Variants in NPY1R observed in about 807,000 individuals in gnomAD.
NPY1R encodes neuropeptide Y receptor type 1.
A neutral mutation model predicts 24.1 loss-of-function variants in NPY1R; 10 were observed. The observed-to-expected ratio is 0.42, with a 90% CI of 0.26 to 0.71. The LOEUF (loss-of-function observed/expected upper bound fraction) is 0.71. NPY1R is among the 30% of genes least tolerant of loss of function. The pLI, the probability that NPY1R is intolerant of heterozygous loss-of-function variation, is 0.28. For synonymous variants in NPY1R, 168 were observed against 165.9 expected (o/e 1.01, Z -0.10); for missense variants, 350 against 458.0 (o/e 0.76, Z 2.15).
At chr4:163,340,218 A>G (rs1198889105) in intron 1 of NPY1R, among the ~76,000 whole-genome samples, 2 of 152,030 alleles carry the variant, frequency 1.3e-5, no homozygotes, top group African/African-American at 4.8e-5. Flanking sequence ...GAGGAGTTTT[A>G]AACTACAAAA....
At chr4:163,328,338 G>T (rs982205253) in intron 1 of NPY1R, among the ~76,000 whole-genome samples, 2 of 152,128 alleles carry the variant, frequency 1.3e-5, no homozygotes, top group Non-Finnish European at 2.9e-5. Context: ...ATCAGCGATT[G>T]TCAGAGTTTG....
At chr4:163,327,684 G>C (rs1302971639) in intron 1 of NPY1R, among the ~76,000 whole-genome samples, 1 of 152,152 alleles carries the variant, frequency 6.6e-6, no homozygotes, top group Non-Finnish European at 1.5e-5. Context: ...GACTATATGT[G>C]TGCCCAATGC....
chr4:163,342,848 TAATAGTTCTCAGTATTA>T (rs1735025960), intron 1 of NPY1R, among the ~76,000 whole-genome samples: 1 of 152,186 alleles, frequency 6.6e-6, no homozygotes, highest in Non-Finnish European at 1.5e-5. Context: ...GTCTGTTACA[TAATAGTTCTCAGTATTA>T]AAGGGTACAA....
rs1734556648 is a variant in NPY1R at position 163,324,382 on chromosome 4, T to C, written c.*921A>G. Reference sequence around the variant, plus strand: ...ACTGCTGTATGGAAAACGCATTTTGTGTTTCTACAAATTGTAAGCGGAAAT... The same window carrying C: ...ACTGCTGTATGGAAAACGCATTTTGCGTTTCTACAAATTGTAAGCGGAAAT... On this transcript the variant is annotated 3_prime_UTR_variant, in exon 3 of 3. Transcript: ENST00000296533. 1 of 152,576 alleles carries C rather than the reference T, an allele frequency of 6.6e-6. No homozygotes were observed. Among genetic ancestry groups the C allele is most frequent in the Admixed American group, 6.5e-5 (1 of 15,280 alleles). 9.5% of individuals were successfully genotyped at this position (152,576 alleles called of 1,614,324 possible).
upstream of NPY1R, among the ~76,000 whole-genome samples, chr4:163,336,330 C>T (rs952984506): frequency 6.6e-6 from 1 of 152,082 alleles, no homozygotes; most frequent in African/African-American, 2.4e-5. Flanking sequence ...TATTACAAAA[C>T]CATAACATTA....
rs1029440468 is a variant in NPY1R at position 163,324,351 on chromosome 4, A to G, written c.*952T>C. On this transcript the variant is annotated 3_prime_UTR_variant, in exon 3 of 3. Transcript: ENST00000296533. ...TTGAAAGTTAAAAATCAGTCACTATATAGGCACTGCTGTATGGAAAACGCA... is the reference window on the plus strand; with the variant it reads ...TTGAAAGTTAAAAATCAGTCACTATGTAGGCACTGCTGTATGGAAAACGCA... 1.3e-5 allele frequency: 2 copies of G among 152,650 alleles called. No individual in the cohort carries two copies. The highest frequency in any genetic ancestry group is 4.8e-5 in the African/African-American group (2 of 41,456). The allele number at this position is 152,650 out of a possible 1,614,324, so 9.5% of individuals were successfully genotyped here.
At position 163,325,729 on chromosome 4, in the gene NPY1R, G is replaced by T; in HGVS notation, c.729C>A (p.Asn243Lys). 6.3e-7 allele frequency: 1 copy of T among 1,599,686 alleles called. No homozygotes were observed. ...TATTGTCTCTCATCTTGTCCATCAT[G>T]TTGTTTCTCCTTTTTAGGCGTATAT... The part of the protein sequence containing the change: ...KIYIRLKRRN[N>K]MMDKMRDNKY... Residue 243 changes from asparagine (N) to lysine (K), a missense_variant, in exon 3 of 3, where the codon AAC becomes AAA. By Grantham distance (94) the Asn-to-Lys change is moderately conservative. Transcript: ENST00000296533.
chr4:163,333,176 A>T (rs1437154288), upstream of NPY1R, among the ~76,000 whole-genome samples: 4 of 152,108 alleles, frequency 2.6e-5, no homozygotes, highest in South Asian at 4.2e-4. Context: ...CACTGAGAAA[A>T]TGCATTAAGT....
At position 163,326,203 on chromosome 4, in the gene NPY1R, A is replaced by G. The variant is rs1452312876; in HGVS notation, c.352T>C (p.Phe118Leu). The change falls in exon 2 of 3, where the codon TTT (phenylalanine) becomes CTT (leucine). Residue 118 changes from phenylalanine (F) to leucine (L), a missense_variant. Physicochemically the swap from Phe to Leu is conservative, Grantham distance 22. Transcript: ENST00000296533. ...FGEAMCKLNPFVQCVSITVSI... is the reference protein window; with the variant it reads ...FGEAMCKLNPLVQCVSITVSI... ...ACAGTGATTGAAACACATTGCACAA[A>G]AGGATTCAACTTACACATCGCCTCA... The G allele has an allele frequency of 6.2e-7, 1 of 1,614,146 alleles. No homozygotes were observed. The highest frequency in any genetic ancestry group is 1.1e-5 in the South Asian group (1 of 91,080).
intron 1 of NPY1R, chr4:163,331,062 C>T (rs1355882445): frequency 6.6e-6 from 1 of 152,252 alleles, no homozygotes; most frequent in African/African-American, 2.4e-5. Context: ...GAAGAGCACT[C>T]GGTCTAGTCC....
intron 1 of NPY1R, among the ~76,000 whole-genome samples, chr4:163,340,241 A>G (rs1011893832): frequency 2.6e-5 from 4 of 151,974 alleles, no homozygotes; most frequent in African/African-American, 4.8e-5. Flanking sequence ...AAATAATTGT[A>G]TGGCCTATAT....
At position 163,325,116 on chromosome 4, in the gene NPY1R, C is replaced by T; in HGVS notation, c.*187G>A. ...ACTATTTCCAGAAGACCCCAAAGCC[C>T]ACACCTTTTGTTCCAAATGTAATTA... On this transcript the variant is annotated 3_prime_UTR_variant, in exon 3 of 3. Coordinates refer to ENST00000296533, the MANE Select transcript of NPY1R (RefSeq NM_000909.6). 1.7e-6 allele frequency: 1 copy of T among 578,810 alleles called. No homozygotes were observed. The highest frequency in any genetic ancestry group is 2.9e-5 in the East Asian group (1 of 34,670). 35.9% of individuals were successfully genotyped at this position (578,810 alleles called of 1,614,324 possible). A position where few individuals can be genotyped will look rare whatever the true frequency, so the allele number is the denominator to read the frequency against.
Position 163,343,481 on chromosome 4 carries a change from A to G in NPY1R, c.-152+824T>C, listed in dbSNP as rs546451838. Among the ~76,000 whole-genome samples the G allele has an allele frequency of 4.6e-5, 7 of 151,368 alleles. No homozygotes were observed. In the East Asian group the frequency reaches 1.4e-3, roughly 30 times the overall value. The stretch of plus-strand genomic sequence containing the variant: ...TCTTTTTTCTTTCTTTCTTTCTATC[A>G]CCACACCACCCCCCACCGTCCCCCA... On this transcript the variant is annotated intron_variant, in intron 1 of 1. Coordinates refer to the NPY1R transcript ENST00000511901.
At chr4:163,332,382 G>C (rs1734754188) in intron 1 of NPY1R, 100 bp downstream of exon 1, 1 of 152,284 alleles carries the variant, frequency 6.6e-6, no homozygotes, top group South Asian at 2.1e-4. Flanking sequence ...CCCAGAGCCA[G>C]TTTCGGACAC....
At chr4:163,334,877 A>G (rs1295085765), upstream of NPY1R, among the ~76,000 whole-genome samples, 4 of 151,724 alleles carry the variant, frequency 2.6e-5, no homozygotes, top group Admixed American at 6.6e-5. Flanking sequence ...AAAAAAAAAA[A>G]AAAAAGAAAT....
In NPY1R at chr4:163,329,596, G is replaced by T. The variant is rs544715286; in HGVS notation, c.-152+2886C>A. Among the ~76,000 whole-genome samples, 1,006 of 149,822 alleles carry T rather than the reference G, an allele frequency of 6.7e-3. 12 individuals carry two copies. Among genetic ancestry groups the T allele is most frequent in the African/African-American group, 0.021 (839 of 40,756 alleles). On this transcript the variant is annotated intron_variant, in intron 1 of 2. Transcript: ENST00000296533. ...AGCCTGGGTGACAGAGCAAGACTCC[G>T]TCTCAAAAAAAAAAAAAGAAAGAGA...
At chr4:163,337,397 C>T (rs1389478336), upstream of NPY1R, among the ~76,000 whole-genome samples, 2 of 152,212 alleles carry the variant, frequency 1.3e-5, no homozygotes, top group African/African-American at 4.8e-5. Flanking sequence ...CTCCCAGCCT[C>T]CTACCTCATA....
intron 1 of NPY1R, among the ~76,000 whole-genome samples, chr4:163,342,879 C>T (rs1471421792): frequency 1.3e-5 from 2 of 152,002 alleles, no homozygotes; most frequent in Non-Finnish European, 2.9e-5. Flanking sequence ...GGTACAATAA[C>T]TACACCCTTT....
chr4:163,334,457 T>C (rs1340280500), upstream of NPY1R, among the ~76,000 whole-genome samples: 1 of 152,210 alleles, frequency 6.6e-6, no homozygotes, highest in Non-Finnish European at 1.5e-5. Context: ...TAAGGAAAAT[T>C]TGTGAAACTG....
Sources: gnomAD v4.1 joint callset for allele counts (sites outside exome capture counted in the v4.1 genomes callset) on GRCh38, gnomAD v4.1.1 for gene constraint, MANE v1.5 for transcripts, NCBI Gene and HGNC (gene_info 2026-07-23, HGNC 2026-07-21) for gene names.